The following RMDN2 variants were observed in gnomAD, a reference collection of about 807,000 sequenced individuals.
RMDN2 encodes regulator of microtubule dynamics protein 2.
In RMDN2, 61 loss-of-function variants were observed where a neutral mutation model predicts 52.8. The observed-to-expected ratio is 1.16, with a 90% confidence interval of 0.94 to 1.43. The LOEUF (loss-of-function observed/expected upper bound fraction) is 1.43. RMDN2 is among the 40% of genes most tolerant of loss of function. The probability of loss-of-function intolerance (pLI) is 0.00; values close to 1 mark genes in which losing one functional copy is unlikely to be tolerated. For synonymous variants in RMDN2, 180 were observed against 153.1 expected (o/e 1.18, Z -1.30); for missense variants, 592 against 475.3 (o/e 1.25, Z -2.28).
chr2:37,956,085 C>T (rs1669419017), intron 2 of RMDN2, among the ~76,000 whole-genome samples: 1 of 152,146 alleles, frequency 6.6e-6, no homozygotes, highest in African/African-American at 2.4e-5. Flanking sequence ...GGGAGTGTTT[C>T]TTCCTCTTCA....
upstream of RMDN2, among the ~76,000 whole-genome samples, chr2:37,921,158 A>G (rs948851801): frequency 4.6e-5 from 7 of 152,168 alleles, no homozygotes; most frequent in African/African-American, 1.7e-4. Flanking sequence ...CTAAAATACC[A>G]TTTTTAATTT....
chr2:37,976,322 C>T (rs1244519507), intron 4 of RMDN2: 2 of 152,186 alleles, frequency 1.3e-5, no homozygotes, highest in Admixed American at 6.5e-5. Context: ...TGCAAAAGCC[C>T]CTACCTGCCA....
intron 2 of RMDN2, among the ~76,000 whole-genome samples, chr2:37,932,697 C>A (rs1264190286): frequency 2.0e-5 from 3 of 147,800 alleles, no homozygotes; most frequent in Admixed American, 6.7e-5. Context: ...GCTGACCCCC[C>A]CCACCTCCCT....
chr2:37,926,060 C>T (rs1666252554), intron 1 of RMDN2, among the ~76,000 whole-genome samples: 2 of 152,160 alleles, frequency 1.3e-5, no homozygotes, highest in South Asian at 4.1e-4. Flanking sequence ...GAAATCTGAT[C>T]ACTAGTTCAA....
intron 2 of RMDN2, among the ~76,000 whole-genome samples, chr2:37,963,414 A>G (rs1462659786): frequency 6.6e-6 from 1 of 151,360 alleles, no homozygotes; most frequent in South Asian, 2.1e-4. Flanking sequence ...AGGTCAGCAG[A>G]TAAACAAGTG....
At chr2:37,991,728 C>T (rs191795425) in intron 7 of RMDN2, among the ~76,000 whole-genome samples, 1 of 152,174 alleles carries the variant, frequency 6.6e-6, no homozygotes, top group African/African-American at 2.4e-5. Context: ...TTTTTTCATC[C>T]AGTAGTGTAT....
intron 7 of RMDN2, among the ~76,000 whole-genome samples, chr2:37,991,627 C>G (rs1674803328): frequency 1.3e-5 from 2 of 152,104 alleles, no homozygotes; most frequent in South Asian, 4.1e-4. Flanking sequence ...TAGTCACGTT[C>G]CCTCCCTTTG....
intron 2 of RMDN2, among the ~76,000 whole-genome samples, chr2:37,942,720 T>C (rs1667898865): frequency 6.6e-6 from 1 of 152,204 alleles, no homozygotes; most frequent in Non-Finnish European, 1.5e-5. Context: ...TCCTATGAAT[T>C]TCCTTTAAAA....
chr2:38,059,900 T>C (rs1239236380), intron 10 of RMDN2, among the ~76,000 whole-genome samples: 4 of 151,910 alleles, frequency 2.6e-5, no homozygotes, highest in Middle Eastern at 6.3e-3. Context: ...GTTTTTGTTT[T>C]TGTTTTTTTG....
intron 5 of RMDN2, 65 bp downstream of exon 5, chr2:37,981,408 T>TAAATAAA: frequency 9.3e-7 from 1 of 1,076,886 alleles, no homozygotes. Context: ...TTAAATGGAT[T>TAAATAAA]TTTCAAAATA....
intron 4 of RMDN2, chr2:37,976,441 G>C (rs1203010228): frequency 6.6e-6 from 1 of 152,210 alleles, no homozygotes; most frequent in Non-Finnish European, 1.5e-5. Flanking sequence ...ATAGCAAGAG[G>C]AAGACACAGC....
downstream of RMDN2, among the ~76,000 whole-genome samples, chr2:38,020,571 G>A (rs1467994043): frequency 2.6e-5 from 4 of 152,218 alleles, no homozygotes; most frequent in African/African-American, 7.2e-5. Context: ...CTGGAGTTCC[G>A]GGTGGGCGTG....
At chr2:37,993,122 G>A (rs1360425258) in intron 7 of RMDN2, among the ~76,000 whole-genome samples, 4 of 151,760 alleles carry the variant, frequency 2.6e-5, no homozygotes, top group Non-Finnish European at 5.9e-5. Context: ...ACGGAGTTTC[G>A]CCATGTTGGC....
intron 7 of RMDN2, among the ~76,000 whole-genome samples, chr2:37,994,333 G>C (rs1245824396): frequency 1.3e-5 from 2 of 152,182 alleles, no homozygotes; most frequent in Admixed American, 1.3e-4. Flanking sequence ...AAAATAAACT[G>C]TTACGGCCAT....
intron 2 of RMDN2, among the ~76,000 whole-genome samples, chr2:37,932,055 T>A (rs1195183025): frequency 1.3e-5 from 2 of 152,064 alleles, no homozygotes; most frequent in African/African-American, 4.8e-5. Context: ...TTTATTTATT[T>A]ATTTATTTTA....
chr2:37,984,856 T>A (rs4142168), intron 5 of RMDN2, among the ~76,000 whole-genome samples: 60 of 112,682 alleles, frequency 5.3e-4, no homozygotes, highest in Middle Eastern at 5.4e-3. Flanking sequence ...GAAAAAAAAA[T>A]AAAATTAAGT....
chr2:38,032,668 C>T (rs1049410374), intron 10 of RMDN2, among the ~76,000 whole-genome samples: 4 of 152,100 alleles, frequency 2.6e-5, no homozygotes, highest in Non-Finnish European at 5.9e-5. Context: ...GGGGAAACCC[C>T]GTTTCTACAA....
chr2:37,946,652 A>G (rs1420705202), intron 2 of RMDN2, among the ~76,000 whole-genome samples: 1 of 152,220 alleles, frequency 6.6e-6, no homozygotes, highest in Non-Finnish European at 1.5e-5. Flanking sequence ...AGGATTACTC[A>G]GGAGGTGGTT....
intron 2 of RMDN2, among the ~76,000 whole-genome samples, chr2:37,964,992 T>C (rs1203630262): frequency 1.3e-5 from 2 of 152,300 alleles, no homozygotes; most frequent in African/African-American, 4.8e-5. Flanking sequence ...CCTGCCTTTG[T>C]CTCTTGTACA....
Sources: allele counts gnomAD v4.1 joint callset (sites outside exome capture counted in the v4.1 genomes callset), GRCh38; gene constraint gnomAD v4.1.1; transcripts MANE v1.5; gene names NCBI Gene and HGNC (gene_info 2026-07-23, HGNC 2026-07-21).